The following PAK3 variants were observed in gnomAD, a reference collection of about 807,000 sequenced individuals.
PAK3 encodes the protein p21 (RAC1) activated kinase 3.
Under a neutral mutation model 41.0 loss-of-function variants are expected in PAK3, and 4 were observed. That is an observed-to-expected ratio of 0.10 (90% CI 0.05 to 0.22). The LOEUF (loss-of-function observed/expected upper bound fraction) is 0.22, where lower values mean the gene tolerates loss of function less well. Ranked by LOEUF, PAK3 falls within the 10% of genes least tolerant of loss-of-function variation. The probability of loss-of-function intolerance (pLI) is 1.00; values close to 1 mark genes in which losing one functional copy is unlikely to be tolerated. For missense variants in PAK3, 205 were observed against 409.9 expected, an observed-to-expected ratio of 0.50 and a Z score of 4.32; for synonymous variants, 146 against 139.6, an observed-to-expected ratio of 1.05 and a Z score of -0.32.
Position 111,220,590 on chromosome X carries a change from T to C in PAK3, c.*143T>C. On this transcript the variant is annotated 3_prime_UTR_variant, in exon 18 of 18. Coordinates refer to ENST00000372007, the MANE Select transcript of PAK3 (RefSeq NM_002578.5). Reference sequence around the variant, plus strand: ...TGAATAGAAACTTCTTATAAGCCTTTTTCCTACTCCCTCAGATTATGTAAT... The same window carrying C: ...TGAATAGAAACTTCTTATAAGCCTTCTTCCTACTCCCTCAGATTATGTAAT... 2.0e-6 allele frequency: 1 copy of C among 505,197 alleles called. No individual in the cohort carries two copies. The highest frequency in any genetic ancestry group is 3.6e-6 in the Non-Finnish European group (1 of 279,571). 41.6% of individuals were successfully genotyped at this position (505,197 alleles called of 1,213,427 possible).
intron 5 of PAK3, among the ~76,000 whole-genome samples, chrX:111,137,373 A>G (rs1385599732): frequency 9.0e-6 from 1 of 111,311 alleles, no homozygotes; most frequent in African/African-American, 3.3e-5. Context: ...GCTAAGTAAT[A>G]TAAATACCTG....
chrX:111,049,531 T>C lies in PAK3; in HGVS notation c.-27-73546T>C, dbSNP rs1309617970. ...TGATACAAACAACAATCAATAAAGG[T>C]TTTAATTAAATTGGTGGTAGTAGTA... On this transcript the variant is annotated intron_variant, in intron 1 of 14. Coordinates refer to the PAK3 transcript ENST00000425146. 1.9e-4 allele frequency among the ~76,000 whole-genome samples: 21 copies of C among 111,843 alleles called. No homozygotes were observed. In the Admixed American group the frequency reaches 2.0e-3, roughly 11 times the overall value.
rs183117497 is a variant in PAK3 at position 110,987,318 on chromosome X, C to T, written c.-28+42690C>T. 6.2e-5 allele frequency among the ~76,000 whole-genome samples: 7 copies of T among 112,747 alleles called. No individual in the cohort carries two copies. The East Asian group carries it at 1.1e-3, about 18-fold the overall frequency. On this transcript the variant is annotated intron_variant, in intron 1 of 14. Coordinates refer to the PAK3 transcript ENST00000425146. The stretch of plus-strand genomic sequence containing the variant: ...GTGGAAGTCGGGGCAACCTGTCCCT[C>T]AGGCAGTGTGGATGGAGAGTGTGTT...
rs929776606 is a variant in PAK3 at position 110,959,966 on chromosome X, C to A, written c.-28+15338C>A. ...CCCTGTAAGTGTCATGGCATCTATA[C>A]TGCTCACTCTTTTCTTTTGTCAACT... On this transcript the variant is annotated intron_variant, in intron 1 of 14. Transcript: ENST00000425146. Among the ~76,000 whole-genome samples, 8 of 111,907 alleles carry A rather than the reference C, an allele frequency of 7.1e-5. No homozygotes were observed. In the Admixed American group the frequency reaches 7.6e-4, roughly 11 times the overall value.
chrX:111,137,863 C>T (rs181697320), intron 5 of PAK3, among the ~76,000 whole-genome samples: 121 of 111,670 alleles, frequency 1.1e-3, no homozygotes, highest in Non-Finnish European at 2.0e-3. Context: ...GACTTCTGCT[C>T]TCTGCAAATA....
intron 11 of PAK3, among the ~76,000 whole-genome samples, chrX:111,176,512 A>G (rs758496401): frequency 1.8e-5 from 2 of 111,385 alleles, no homozygotes; most frequent in Non-Finnish European, 3.8e-5. Context: ...TTAAAAAAAT[A>G]AAAAAGAAAA....
intron 3 of PAK3, among the ~76,000 whole-genome samples, chrX:111,100,019 G>T (rs146186298): frequency 0.015 from 1,669 of 109,657 alleles, 16 homozygotes; most frequent in Middle Eastern, 0.039. Flanking sequence ...TCTTTCAACA[G>T]TGTGGCTTTA....
chrX:111,009,345 G>A (rs2091979176), intron 1 of PAK3, among the ~76,000 whole-genome samples: 1 of 111,784 alleles, frequency 8.9e-6, no homozygotes, highest in African/African-American at 3.3e-5. Context: ...GGAAGAGTGA[G>A]GATATTTACC....
At position 111,100,100 on chromosome X, in the gene PAK3, A is replaced by G. The variant is rs189527009; in HGVS notation, c.-176+2416A>G. On this transcript the variant is annotated intron_variant, in intron 3 of 17. Transcript: ENST00000372007. ...AAGTTAATAATCTGCTAGGGACCCTATAACCAAGCCCCTGAAAGGTTCTGT... is the reference window on the plus strand; with the variant it reads ...AAGTTAATAATCTGCTAGGGACCCTGTAACCAAGCCCCTGAAAGGTTCTGT... Among the ~76,000 whole-genome samples the G allele has an allele frequency of 2.2e-3, 249 of 110,718 alleles. 1 individual carries two copies. Among genetic ancestry groups the G allele is most frequent in the African/African-American group, 7.6e-3 (231 of 30,337 alleles).
At chrX:111,066,123 G>A (rs1569297365) in intron 1 of PAK3, among the ~76,000 whole-genome samples, 1 of 111,237 alleles carries the variant, frequency 9.0e-6, no homozygotes, top group Admixed American at 9.6e-5. Flanking sequence ...TGTTTTTCTA[G>A]TTCCTCTAGG....
At chrX:110,959,991 T>A (rs912233933) in intron 1 of PAK3, among the ~76,000 whole-genome samples, 1 of 112,182 alleles carries the variant, frequency 8.9e-6, no homozygotes, top group Admixed American at 9.4e-5. Flanking sequence ...TTTTGTCAAC[T>A]CTTGTCTTCC....
At chrX:111,203,802 G>A (rs911377585) in intron 16 of PAK3, among the ~76,000 whole-genome samples, 10 of 111,976 alleles carry the variant, frequency 8.9e-5, no homozygotes, top group African/African-American at 2.9e-4. Flanking sequence ...GTTTGATGGC[G>A]TGTGCTCATT....
intron 1 of PAK3, among the ~76,000 whole-genome samples, chrX:110,993,805 A>G (rs1190997959): frequency 8.9e-6 from 1 of 111,858 alleles, no homozygotes; most frequent in African/African-American, 3.2e-5. Context: ...AAAGGTCAAC[A>G]GCATACATAA....
intron 16 of PAK3, among the ~76,000 whole-genome samples, chrX:111,199,157 G>A (rs770013533): frequency 2.7e-5 from 3 of 111,432 alleles, no homozygotes; most frequent in African/African-American, 9.8e-5. Flanking sequence ...ATGCTACTAA[G>A]TTTTTTAGCA....
At chrX:111,073,141 G>A (rs771601159) in intron 1 of PAK3, among the ~76,000 whole-genome samples, 1 of 111,263 alleles carries the variant, frequency 9.0e-6, no homozygotes, top group African/African-American at 3.3e-5. Context: ...GGTTGGAGGG[G>A]CTACCACTAT....
chrX:111,088,817 C>T (rs1331975585), intron 1 of PAK3, among the ~76,000 whole-genome samples: 2 of 111,866 alleles, frequency 1.8e-5, no homozygotes, highest in African/African-American at 6.5e-5. Context: ...TTTACAACTG[C>T]CGTGTGACCT....
intron 1 of PAK3, among the ~76,000 whole-genome samples, chrX:110,988,450 A>G (rs778234122): frequency 8.9e-6 from 1 of 112,331 alleles, no homozygotes; most frequent in African/African-American, 3.2e-5. Flanking sequence ...AAAGACAGTT[A>G]TATTTATCAT....
At chrX:111,158,456 A>G (rs1007843757) in intron 8 of PAK3, among the ~76,000 whole-genome samples, 3 of 112,141 alleles carry the variant, frequency 2.7e-5, no homozygotes, top group Non-Finnish European at 3.8e-5. Flanking sequence ...CTATTTACAC[A>G]GTGATAGTAA....
At chrX:111,187,645 G>A (rs185799229) in intron 11 of PAK3, among the ~76,000 whole-genome samples, 55 of 111,209 alleles carry the variant, frequency 4.9e-4, no homozygotes, top group African/African-American at 1.7e-3. Flanking sequence ...ATTTATACCC[G>A]TTGAATTTTA....
Sources: gnomAD v4.1 joint callset for allele counts (sites outside exome capture counted in the v4.1 genomes callset) on GRCh38, gnomAD v4.1.1 for gene constraint, MANE v1.5 for transcripts, NCBI Gene and HGNC (gene_info 2026-07-23, HGNC 2026-07-21) for gene names.